The following PARD3 variants were observed in gnomAD, a reference collection of about 807,000 sequenced individuals.
PARD3 encodes the protein partitioning defective 3 homolog.
Under a neutral mutation model 155.4 loss-of-function variants are expected in PARD3, and 75 were observed. The ratio of observed to expected loss-of-function variants is 0.48; its 90% CI spans 0.40 to 0.58. The LOEUF is 0.58. Among genes scored for constraint, PARD3 ranks in the 20% least tolerant of loss-of-function variants. The pLI is 0.00. For synonymous variants in PARD3, 576 were observed against 610.5 expected, an observed-to-expected ratio of 0.94 and a Z score of 0.83; for missense variants, 1,642 against 1,721.7, an observed-to-expected ratio of 0.95 and a Z score of 0.82.
intron 24 of PARD3, among the ~76,000 whole-genome samples, chr10:34,118,023 G>A (rs776396637): frequency 6.6e-6 from 1 of 152,174 alleles, no homozygotes; most frequent in Admixed American, 6.5e-5. Flanking sequence ...AGCTGTGTGA[G>A]CTGGGGGAAA....
At chr10:34,265,621 T>C (rs1319656261) in intron 22 of PARD3, among the ~76,000 whole-genome samples, 1 of 152,240 alleles carries the variant, frequency 6.6e-6, no homozygotes, top group Admixed American at 6.5e-5. Context: ...CTATTCTTCA[T>C]ACAGGAAATA....
intron 5 of PARD3, among the ~76,000 whole-genome samples, chr10:34,444,745 C>T (rs1450998692): frequency 6.6e-6 from 1 of 152,208 alleles, no homozygotes; most frequent in Non-Finnish European, 1.5e-5. Context: ...GATTCACTAT[C>T]CCCGTAAGTA....
At chr10:34,781,284 G>A (rs1480743709) in intron 1 of PARD3, among the ~76,000 whole-genome samples, 1 of 152,194 alleles carries the variant, frequency 6.6e-6, no homozygotes, top group East Asian at 1.9e-4. Flanking sequence ...TATTTCACTT[G>A]CCCCTCTGAC....
chr10:34,429,106 A>G (rs1271304151), intron 5 of PARD3, among the ~76,000 whole-genome samples: 1 of 152,244 alleles, frequency 6.6e-6, no homozygotes, highest in Non-Finnish European at 1.5e-5. Flanking sequence ...TTCCTTTTAT[A>G]TTTTAAAGCC....
intron 24 of PARD3, among the ~76,000 whole-genome samples, 199 bp downstream of exon 24, chr10:34,119,414 A>G (rs142924965): frequency 7.9e-4 from 120 of 152,332 alleles, no homozygotes; most frequent in African/African-American, 2.7e-3. Flanking sequence ...ATCTCCTGCA[A>G]TGGGCATTTC....
chr10:34,179,457 T>C (rs1157807639), intron 22 of PARD3, among the ~76,000 whole-genome samples: 1 of 152,192 alleles, frequency 6.6e-6, no homozygotes, highest in Non-Finnish European at 1.5e-5. Context: ...AAGCACAGCT[T>C]CATATAAATC....
chr10:34,479,160 A>AT (rs571846177), intron 3 of PARD3, among the ~76,000 whole-genome samples: 21,861 of 131,782 alleles, frequency 0.17, 2,371 homozygotes, highest in African/African-American at 0.29. Context: ...CTCAAATTTA[A>AT]TTTTTTTTTT....
chr10:34,357,448 A>G (rs922074951), intron 14 of PARD3, among the ~76,000 whole-genome samples: 4 of 152,210 alleles, frequency 2.6e-5, no homozygotes, highest in Admixed American at 6.5e-5. Context: ...TGTCCTGTGT[A>G]ATGGGAAAGT....
At chr10:34,388,854 G>A (rs1160084005) in intron 7 of PARD3, among the ~76,000 whole-genome samples, 1 of 152,170 alleles carries the variant, frequency 6.6e-6, no homozygotes, top group Non-Finnish European at 1.5e-5. Context: ...ATGGTTCCAA[G>A]AGCAGAACAA....
chr10:34,642,115 C>G (rs868063491), intron 2 of PARD3, among the ~76,000 whole-genome samples: 41 of 152,014 alleles, frequency 2.7e-4, no homozygotes, highest in Middle Eastern at 3.4e-3. Context: ...CCTGTCCACC[C>G]TGGGCCCATA....
chr10:34,570,444 G>A (rs1238759524), intron 2 of PARD3, among the ~76,000 whole-genome samples: 1 of 152,028 alleles, frequency 6.6e-6, no homozygotes, highest in Non-Finnish European at 1.5e-5. Context: ...TTCAATTCTG[G>A]GATTCCATGA....
intron 22 of PARD3, among the ~76,000 whole-genome samples, chr10:34,182,646 A>G (rs995975602): frequency 6.6e-6 from 1 of 152,156 alleles, no homozygotes; most frequent in Non-Finnish European, 1.5e-5. Flanking sequence ...ATCAGCCAAA[A>G]GATCACGAAC....
At chr10:34,399,257 T>A (rs1157991538) in intron 7 of PARD3, 73 bp downstream of exon 7, 3 of 966,986 alleles carry the variant, frequency 3.1e-6, no homozygotes, top group East Asian at 2.4e-5. Flanking sequence ...TCAACACCAC[T>A]CTCTATCTGA....
At chr10:34,195,895 C>T (rs922633875) in intron 22 of PARD3, among the ~76,000 whole-genome samples, 27 of 152,152 alleles carry the variant, frequency 1.8e-4, no homozygotes, top group African/African-American at 5.1e-4. Context: ...TTTCCTGGTA[C>T]GGTACACGTG....
At chr10:34,541,217 TA>T (rs1467349260) in intron 2 of PARD3, among the ~76,000 whole-genome samples, 3 of 152,202 alleles carry the variant, frequency 2.0e-5, no homozygotes, top group African/African-American at 4.8e-5. Flanking sequence ...ATCCTGTACA[TA>T]AATGCAGTAT....
At chr10:34,435,469 A>G (rs1279151654) in intron 5 of PARD3, among the ~76,000 whole-genome samples, 1 of 152,262 alleles carries the variant, frequency 6.6e-6, no homozygotes, top group Non-Finnish European at 1.5e-5. Context: ...AGGTAGTAAG[A>G]TAATGAGAAT....
intron 2 of PARD3, among the ~76,000 whole-genome samples, chr10:34,569,789 G>A (rs2086242241): frequency 6.8e-6 from 1 of 147,940 alleles, no homozygotes; most frequent in Non-Finnish European, 1.5e-5. Flanking sequence ...ACTTATTTTT[G>A]AAAAAATCTA....
At chr10:34,601,039 G>A (rs1239944146) in intron 2 of PARD3, among the ~76,000 whole-genome samples, 1 of 122,418 alleles carries the variant, frequency 8.2e-6, no homozygotes, top group Non-Finnish European at 1.6e-5. Flanking sequence ...TCAAACTCCT[G>A]AACTCAAGCA....
chr10:34,588,055 A>C (rs1380994302), intron 2 of PARD3, among the ~76,000 whole-genome samples: 1 of 152,200 alleles, frequency 6.6e-6, no homozygotes, highest in African/African-American at 2.4e-5. Flanking sequence ...CACCCCTTCC[A>C]GGCATGGAAG....
Sources: allele counts gnomAD v4.1 joint callset (sites outside exome capture counted in the v4.1 genomes callset), GRCh38; gene constraint gnomAD v4.1.1; transcripts MANE v1.5; gene names NCBI Gene and HGNC (gene_info 2026-07-23, HGNC 2026-07-21).